The following BTD variants were observed in gnomAD, a reference collection of about 807,000 sequenced individuals.
The protein encoded by BTD is biotinidase.
A neutral mutation model predicts 17.7 loss-of-function variants in BTD; 13 were observed. The ratio of observed to expected loss-of-function variants is 0.74; its 90% CI spans 0.48 to 1.17. The LOEUF (loss-of-function observed/expected upper bound fraction) is 1.17. BTD is among the 50% of genes most tolerant of loss of function. The pLI is 0.00. For synonymous variants in BTD, 240 were observed against 245.2 expected (o/e 0.98, Z 0.20); for missense variants, 674 against 650.4 (o/e 1.04, Z -0.39).
rs142421934 is a variant in BTD at position 15,644,957 on chromosome 3, C to A, written c.1041C>A (p.Gly347=). 1.1e-5 allele frequency: 17 copies of A among 1,613,978 alleles called. No individual in the cohort carries two copies. The highest frequency in any genetic ancestry group is 1.4e-5 in the Non-Finnish European group (17 of 1,180,040). Residue 347 remains glycine, a synonymous_variant, in exon 4 of 4, where the codon GGC becomes GGA. Transcript: ENST00000643237. ...GTAAGTTTTTAAAAATTTTGTCAGG[C>A]GATCCGTACTGTGAGAAGGATGCTC... is the stretch of plus-strand genomic sequence containing the variant. ...SHSKFLKILS[G]DPYCEKDAQE... is the part of the protein sequence containing the mutation.
rs374156287 is a variant in BTD at position 15,635,506 on chromosome 3, C to T, written c.67C>T (p.His23Tyr). The change falls in exon 2 of 4, where the codon CAC becomes TAC. Residue 23 changes from histidine to tyrosine, a missense_variant. Physicochemically the swap from His to Tyr is moderately conservative, Grantham distance 83. Transcript: ENST00000643237. This position sits in a 1 kb window ranked among gnomAD's most constrained non-coding sequence, Gnocchi z 4.1. ...CTGTTACGTGGTTGCCCTGGGAGCC[C>T]ACACCGGGGAGGAGAGCGTGGCTGA... ...CGCYVVALGA[H>Y]TGEESVADHH... is the part of the protein sequence containing the mutation. 1.5e-5 allele frequency: 24 copies of T among 1,613,998 alleles called. No individual in the cohort carries two copies. Among genetic ancestry groups the T allele is most frequent in the Non-Finnish European group, 1.9e-5 (23 of 1,180,020 alleles).
chr3:15,709,625 T>C (rs1265611988), intron 3 of BTD: 4 of 1,345,016 alleles, frequency 3.0e-6, no homozygotes, highest in Non-Finnish European at 4.1e-6. Context: ...ATCAAGTTAT[T>C]AAGTAAAAAT....
downstream of BTD, among the ~76,000 whole-genome samples, chr3:15,657,608 G>A (rs1444426737): frequency 2.0e-5 from 3 of 152,062 alleles, no homozygotes; most frequent in African/African-American, 4.8e-5. Context: ...CAATGGTAAG[G>A]CACATTACAA....
chr3:15,620,293 G>A (rs145252346), intron 1 of BTD, among the ~76,000 whole-genome samples: 93 of 152,276 alleles, frequency 6.1e-4, no homozygotes, highest in African/African-American at 2.1e-3. Context: ...GCACAAGACA[G>A]ACATTCCCAG....
intron 3 of BTD, chr3:15,675,861 C>G: frequency 6.7e-7 from 1 of 1,484,840 alleles, no homozygotes; most frequent in Non-Finnish European, 9.2e-7. Context: ...AAGATAAAAG[C>G]TCTAGGTTAA....
At chr3:15,718,550 T>C (rs527932795) in intron 4 of BTD, among the ~76,000 whole-genome samples, 15 of 152,270 alleles carry the variant, frequency 9.9e-5, no homozygotes, top group Admixed American at 6.5e-4. Flanking sequence ...ACAGGTACTA[T>C]AGTCACCTAA....
chr3:15,656,705 G>A (rs2455795), downstream of BTD, among the ~76,000 whole-genome samples: 6 of 152,118 alleles, frequency 3.9e-5, no homozygotes, highest in East Asian at 1.9e-4. Context: ...CTCTCCCTCC[G>A]GGCTGGAGGC....
chr3:15,718,499 A>T (rs775822338), intron 4 of BTD, among the ~76,000 whole-genome samples: 9 of 152,226 alleles, frequency 5.9e-5, no homozygotes, highest in Admixed American at 4.6e-4. Context: ...ACTGATTCTC[A>T]ATTCTACATT....
intron 3 of BTD, chr3:15,679,216 C>T: frequency 7.7e-7 from 1 of 1,302,812 alleles, no homozygotes; most frequent in Non-Finnish European, 1.1e-6. Context: ...GTCATCCTCC[C>T]ACTTCAGCCT....
rs1374061170 is a variant in BTD, at chr3:15,661,123, G to A, written c.399+19066G>A. Among the ~76,000 whole-genome samples, 8 of 151,700 alleles carry A rather than the reference G, an allele frequency of 5.3e-5. No homozygotes were observed. In the East Asian group the frequency reaches 5.8e-4, roughly 11 times the overall value. ...TCTACTAAAAATACAAAAATTAGCC[G>A]GGCGTGGTGGTGCATGCCTGTAATC... On this transcript the variant is annotated intron_variant, in intron 3 of 3. Transcript: ENST00000672141.
chr3:15,644,447 TGTC>T lies in BTD; in HGVS notation c.534_536del (p.Val179del), dbSNP rs397514373. On this transcript the variant is annotated inframe_deletion, in exon 4 of 4. Coordinates refer to ENST00000643237, the MANE Select transcript of BTD (RefSeq NM_001370658.1). ...ATGGGAGATACCAGTTCAACACAAA[TGTC>T]GTGTTCAGCAATAATGGAACCCTTG... 4 of 1,614,010 alleles carry T rather than the reference TGTC, an allele frequency of 2.5e-6. No homozygotes were observed. The highest frequency in any genetic ancestry group is 1.1e-5 in the South Asian group (1 of 91,066).
At position 15,648,105 on chromosome 3, in the gene BTD, T is replaced by C. The variant is rs1343655923; in HGVS notation, c.*2617T>C. ...AGGCACCCAGCCCAAGGCCAGCCAA[T>C]CAGAGCACTGGCTAGTAGCCCAGGA... On this transcript the variant is annotated 3_prime_UTR_variant, in exon 4 of 4. Transcript: ENST00000643237. 3.3e-5 allele frequency among the ~76,000 whole-genome samples: 5 copies of C among 151,968 alleles called. No homozygotes were observed. Among genetic ancestry groups the C allele is most frequent in the Non-Finnish European group, 7.4e-5 (5 of 67,994 alleles).
chr3:15,679,056 C>T (rs1027338896), intron 3 of BTD, among the ~76,000 whole-genome samples: 3 of 152,054 alleles, frequency 2.0e-5, no homozygotes, highest in Non-Finnish European at 2.9e-5. Context: ...CTCACTGTTG[C>T]CTCAAACTCC....
At chr3:15,692,303 G>C (rs1575176533) in intron 3 of BTD, among the ~76,000 whole-genome samples, 1 of 152,116 alleles carries the variant, frequency 6.6e-6, no homozygotes, top group South Asian at 2.1e-4. Flanking sequence ...TAAAGAATTA[G>C]TCGGGAATGG....
At chr3:15,636,788 G>A (rs1464879103) in intron 2 of BTD, among the ~76,000 whole-genome samples, 1 of 125,178 alleles carries the variant, frequency 8.0e-6, no homozygotes, top group East Asian at 2.4e-4. Flanking sequence ...GGGTGGGGGG[G>A]TGTTTGGGGG....
chr3:15,679,744 T>C (rs1213070682), intron 3 of BTD, among the ~76,000 whole-genome samples: 3 of 152,158 alleles, frequency 2.0e-5, no homozygotes, highest in Non-Finnish European at 4.4e-5. Flanking sequence ...TGAAAATTTC[T>C]AGGCATATAC....
In BTD at chr3:15,648,994, T is replaced by A. The variant is rs1407350968; in HGVS notation, c.*3506T>A. Among the ~76,000 whole-genome samples the A allele has an allele frequency of 6.6e-6, 1 of 152,214 alleles. No homozygotes were observed. The highest frequency in any genetic ancestry group is 1.9e-4 in the East Asian group (1 of 5,202). ...CACACACAACCCACCCCTGCAGGTT[T>A]CAGAAGAAGCATGGCTCTGCCAACA... is the stretch of plus-strand genomic sequence containing the variant. On this transcript the variant is annotated 3_prime_UTR_variant, in exon 4 of 4. Coordinates refer to ENST00000643237, the MANE Select transcript of BTD (RefSeq NM_001370658.1).
intron 3 of BTD, chr3:15,676,963 A>T (rs1165227901): frequency 2.5e-6 from 4 of 1,605,748 alleles, no homozygotes; most frequent in Non-Finnish European, 3.4e-6. Flanking sequence ...CTAGATACTG[A>T]CAGTACTCAC....
chr3:15,646,637 G>T lies in BTD; in HGVS notation c.*1149G>T, dbSNP rs1319941694. 1 of 152,240 alleles carries T rather than the reference G, an allele frequency of 6.6e-6. No individual in the cohort carries two copies. Among genetic ancestry groups the T allele is most frequent in the Non-Finnish European group, 1.5e-5 (1 of 68,046 alleles). The allele number at this position is 152,240 out of a possible 1,614,324, so 9.4% of individuals were successfully genotyped here. ...TCAAAGCCATTTAAAAAAGGATTTT[G>T]ACTGCATGCCTAGTAGCTGTTTCAG... On this transcript the variant is annotated 3_prime_UTR_variant, in exon 4 of 4. Coordinates refer to ENST00000643237, the MANE Select transcript of BTD (RefSeq NM_001370658.1).
Sources: allele counts gnomAD v4.1 joint callset (sites outside exome capture counted in the v4.1 genomes callset), GRCh38; gene constraint gnomAD v4.1.1; non-coding constraint Gnocchi (gnomAD v3.1); transcripts MANE v1.5; gene names NCBI Gene and HGNC (gene_info 2026-07-23, HGNC 2026-07-21).